GK5: variants seen among roughly 807,000 people sequenced by gnomAD.
GK5 encodes glycerol kinase 5, also known as ATP:glycerol 3-phosphotransferase 5.
A neutral mutation model predicts 77.3 loss-of-function variants in GK5; 39 were observed. That is an observed-to-expected ratio of 0.50 (90% CI 0.39 to 0.66). The LOEUF (loss-of-function observed/expected upper bound fraction) is 0.66. Ranked by LOEUF, GK5 falls within the 30% of genes least tolerant of loss-of-function variation. The pLI is 0.00. For missense variants in GK5, 487 were observed against 633.8 expected, an observed-to-expected ratio of 0.77 and a Z score of 2.49; for synonymous variants, 211 against 208.0, an observed-to-expected ratio of 1.01 and a Z score of -0.13.
At chr3:142,181,825 G>A (rs1170988206) in intron 10 of GK5, among the ~76,000 whole-genome samples, 1 of 152,082 alleles carries the variant, frequency 6.6e-6, no homozygotes, top group African/African-American at 2.4e-5. Flanking sequence ...CACATAAAAA[G>A]AACTTAGCAC....
At chr3:142,186,098 A>C (rs915487478) in intron 8 of GK5, 96 bp downstream of exon 8, 50 of 1,146,078 alleles carry the variant, frequency 4.4e-5, no homozygotes, top group Non-Finnish European at 5.9e-5. Context: ...ATGAACATAC[A>C]AGTCCTTCAA....
chr3:142,225,544 C>T lies in GK5; in HGVS notation c.-89G>A, dbSNP rs1197167582. 7 of 1,481,512 alleles carry T rather than the reference C, an allele frequency of 4.7e-6. No individual in the cohort carries two copies. Among genetic ancestry groups the T allele is most frequent in the Non-Finnish European group, 6.3e-6 (7 of 1,113,174 alleles). 91.8% of individuals were successfully genotyped at this position (1,481,512 alleles called of 1,614,324 possible). ...CTCCAGAGTCCCCGGGCGGCCCAAC[C>T]CGGGCCCCAACCCGGCTCAGCCGGA... is the stretch of plus-strand genomic sequence containing the variant. On this transcript the variant is annotated 5_prime_UTR_variant, in exon 1 of 16. Transcript: ENST00000392993.
intron 4 of GK5, among the ~76,000 whole-genome samples, chr3:142,202,574 C>T (rs1376927705): frequency 6.6e-6 from 1 of 152,162 alleles, no homozygotes; most frequent in Admixed American, 6.5e-5. Flanking sequence ...AGAACCAAAA[C>T]TTTGATCATG....
chr3:142,183,130 C>G, intron 9 of GK5, 81 bp from the exon 10 acceptor site: 1 of 1,228,812 alleles, frequency 8.1e-7, no homozygotes, highest in African/African-American at 1.5e-5. Flanking sequence ...ACTTATTGTA[C>G]TCTCATGATT....
rs1307966560 is a variant in GK5, at chr3:142,223,524, G to C, written c.147+1785C>G. Among the ~76,000 whole-genome samples the C allele has an allele frequency of 5.3e-5, 8 of 152,294 alleles. No homozygotes were observed. The East Asian group carries it at 1.2e-3, about 22-fold the overall frequency. ...GGACCAGGGAGCTGCTACAATCCCA[G>C]TTCCACTGTCTTGGTCCTGAAACCT... On this transcript the variant is annotated intron_variant, in intron 1 of 15. Transcript: ENST00000392993.
At chr3:142,174,682 CCA>C in intron 12 of GK5, among the ~76,000 whole-genome samples, 1 of 152,300 alleles carries the variant, frequency 6.6e-6, no homozygotes, top group East Asian at 1.9e-4. Flanking sequence ...CTGCTTGAAT[CCA>C]CAGGCCCTGT....
chr3:142,169,669 C>CTTTTT (rs71304258), intron 15 of GK5, among the ~76,000 whole-genome samples: 27 of 116,898 alleles, frequency 2.3e-4, no homozygotes, highest in African/African-American at 3.7e-4. Context: ...CCTTACTGTT[C>CTTTTT]TTTTTTTTTT....
intron 4 of GK5, chr3:142,204,258 TC>T (rs1560230503): frequency 4.4e-6 from 1 of 228,722 alleles, no homozygotes; most frequent in Non-Finnish European, 8.7e-6. Flanking sequence ...CCTCAAGCAA[TC>T]CCCCTGCCTC....
At chr3:142,173,084 A>C (rs1231707851) in intron 12 of GK5, 1 of 366,094 alleles carries the variant, frequency 2.7e-6, no homozygotes, top group Non-Finnish European at 5.3e-6. Flanking sequence ...ACCTGTAGTT[A>C]CAGCTACTTG....
At chr3:142,190,049 AC>A (rs2063827217) in intron 5 of GK5, among the ~76,000 whole-genome samples, 1 of 152,238 alleles carries the variant, frequency 6.6e-6, no homozygotes, top group South Asian at 2.1e-4. Flanking sequence ...GATGGAATTC[AC>A]AGTCGTGGAC....
intron 12 of GK5, among the ~76,000 whole-genome samples, chr3:142,174,736 TCAC>T (rs764844046): frequency 2.6e-5 from 4 of 152,140 alleles, no homozygotes; most frequent in African/African-American, 4.8e-5. Flanking sequence ...CCTAATGCCA[TCAC>T]CACAACTGCA....
chr3:142,187,936 T>A (rs948376889), intron 5 of GK5, among the ~76,000 whole-genome samples, 157 bp from the exon 6 acceptor site: 2 of 152,202 alleles, frequency 1.3e-5, no homozygotes, highest in Non-Finnish European at 2.9e-5. Context: ...TCTAAGTGAT[T>A]ATTATATAGG....
intron 15 of GK5, among the ~76,000 whole-genome samples, chr3:142,169,669 C>CTTTTTT (rs71304258): frequency 2.6e-4 from 30 of 116,926 alleles, no homozygotes; most frequent in Non-Finnish European, 3.2e-4. Context: ...CCTTACTGTT[C>CTTTTTT]TTTTTTTTTT....
intron 1 of GK5, among the ~76,000 whole-genome samples, chr3:142,223,705 G>T (rs2064387745): frequency 6.6e-6 from 1 of 152,224 alleles, no homozygotes. Context: ...AGGCATGATG[G>T]CGGGTGCCTG....
At position 142,225,546 on chromosome 3, in the gene GK5, G is replaced by C. The variant is rs1249089812; in HGVS notation, c.-91C>G. ...CCAGAGTCCCCGGGCGGCCCAACCC[G>C]GGCCCCAACCCGGCTCAGCCGGAGA... is the stretch of plus-strand genomic sequence containing the variant. On this transcript the variant is annotated 5_prime_UTR_variant, in exon 1 of 16. Transcript: ENST00000392993. The C allele has an allele frequency of 6.8e-6, 10 of 1,474,744 alleles. No individual in the cohort carries two copies. The highest frequency in any genetic ancestry group is 2.7e-5 in the East Asian group (1 of 37,466). The allele number at this position is 1,474,744 out of a possible 1,614,324, so 91.4% of individuals were successfully genotyped here. A position where few individuals can be genotyped will look rare whatever the true frequency, so the allele number is the denominator to read the frequency against.
intron 2 of GK5, among the ~76,000 whole-genome samples, chr3:142,213,845 CAA>C (rs1288164859): frequency 6.6e-6 from 1 of 151,982 alleles, no homozygotes. Context: ...TGTTTTGAGA[CAA>C]AGTGTCACTC....
chr3:142,189,531 A>C (rs1577124648), intron 5 of GK5, among the ~76,000 whole-genome samples: 2 of 152,194 alleles, frequency 1.3e-5, no homozygotes, highest in East Asian at 3.8e-4. Flanking sequence ...CCTGTATTTC[A>C]GTGAGTAGCA....
At chr3:142,200,055 CAT>C (rs1438878353) in intron 4 of GK5, among the ~76,000 whole-genome samples, 1 of 151,800 alleles carries the variant, frequency 6.6e-6, no homozygotes, top group Non-Finnish European at 1.5e-5. Flanking sequence ...ACTTCCTTCT[CAT>C]CTTATTCAGT....
intron 1 of GK5, among the ~76,000 whole-genome samples, chr3:142,221,012 T>C (rs1177489448): frequency 2.0e-5 from 3 of 152,150 alleles, no homozygotes; most frequent in African/African-American, 7.2e-5. Context: ...ATGACAGATA[T>C]ACCTAAGTGC....
Sources: allele counts gnomAD v4.1 joint callset (sites outside exome capture counted in the v4.1 genomes callset), GRCh38; gene constraint gnomAD v4.1.1; transcripts MANE v1.5; gene names NCBI Gene and HGNC (gene_info 2026-07-23, HGNC 2026-07-21).